ADAMTSL2: variants seen among roughly 807,000 people sequenced by gnomAD.
The protein encoded by ADAMTSL2 is ADAMTS-like protein 2.
ADAMTSL2 carries 55 observed loss-of-function variants against 117.0 expected under a neutral mutation model. The observed-to-expected ratio is 0.47, with a 90% CI of 0.38 to 0.59. The LOEUF (loss-of-function observed/expected upper bound fraction) is 0.59, where lower values mean the gene tolerates loss of function less well. ADAMTSL2 is among the 20% of genes least tolerant of loss of function. The pLI is 0.00. For synonymous variants in ADAMTSL2, 572 were observed against 566.4 expected, an observed-to-expected ratio of 1.01 and a Z score of -0.14; for missense variants, 1,182 against 1,354.5, an observed-to-expected ratio of 0.87 and a Z score of 2.00.
chr9:133,552,855 T>C (rs1404859824), intron 9 of ADAMTSL2, among the ~76,000 whole-genome samples: 1 of 152,200 alleles, frequency 6.6e-6, no homozygotes, highest in Non-Finnish European at 1.5e-5. Flanking sequence ...GCTCTATGCT[T>C]CTAAGTGCCA....
chr9:133,538,118 A>G (rs1378252657), intron 3 of ADAMTSL2, among the ~76,000 whole-genome samples: 1 of 152,216 alleles, frequency 6.6e-6, no homozygotes, highest in East Asian at 1.9e-4. Flanking sequence ...TGGTTGTTTC[A>G]ATTCTGTGTA....
intron 12 of ADAMTSL2, among the ~76,000 whole-genome samples, chr9:133,562,649 G>A (rs1453059201): frequency 2.1e-5 from 3 of 142,580 alleles, no homozygotes; most frequent in East Asian, 2.0e-4. Context: ...CGCCGTGGGC[G>A]GCGTGGCGGG....
chr9:133,551,303 C>A (rs531134621), intron 9 of ADAMTSL2, among the ~76,000 whole-genome samples: 108 of 149,794 alleles, frequency 7.2e-4, no homozygotes, highest in African/African-American at 2.3e-3. Context: ...AGGGCCCCCC[C>A]ACACACAGCC....
Position 133,561,292 on chromosome 9 carries a change from A to G in ADAMTSL2, c.1744A>G (p.Thr582Ala). 1 of 1,591,544 alleles carries G rather than the reference A, an allele frequency of 6.3e-7. No individual in the cohort carries two copies. The highest frequency in any genetic ancestry group is 2.3e-5 in the East Asian group (1 of 44,222). The change falls in exon 12 of 19, where the codon ACA becomes GCA. Residue 582 changes from threonine (T) to alanine (A), a missense_variant. Thr to Ala is a moderately conservative substitution (Grantham distance 58). Coordinates refer to ENST00000651351, the MANE Select transcript of ADAMTSL2 (RefSeq NM_014694.4). ...CGAGCCCTGCAGTGCCACCTGCACC[A>G]CAGGTACTGGTCACGGGTGCCAAGG... ...SHEPCSATCT[T>A]GVMSAYAMCV...
In ADAMTSL2 at chr9:133,558,188, A is replaced by G. The variant is rs1299115228; in HGVS notation, c.1649+2258A>G. ...TCGATCAACTAGGCTGTCAGCACTCAGAAAGGCCCTGACTGCTGAGATGCC... is the reference window on the plus strand; with the variant it reads ...TCGATCAACTAGGCTGTCAGCACTCGGAAAGGCCCTGACTGCTGAGATGCC... On this transcript the variant is annotated intron_variant, in intron 11 of 18. Coordinates refer to ENST00000651351, the MANE Select transcript of ADAMTSL2 (RefSeq NM_014694.4). The surrounding 1 kb of genome is among the most constrained non-coding windows in gnomAD (Gnocchi z 4.3). Among the ~76,000 whole-genome samples, 4 of 152,208 alleles carry G rather than the reference A, an allele frequency of 2.6e-5. No homozygotes were observed. Among genetic ancestry groups the G allele is most frequent in the African/African-American group, 9.6e-5 (4 of 41,456 alleles).
intron 4 of ADAMTSL2, 123 bp from the exon 5 acceptor site, chr9:133,539,648 C>T (rs369171019): frequency 1.3e-5 from 13 of 1,009,772 alleles, no homozygotes; most frequent in Middle Eastern, 2.4e-4. Flanking sequence ...GGCCGTGGCC[C>T]CCGCACGGCT....
intron 17 of ADAMTSL2, 50 bp downstream of exon 17, chr9:133,570,557 G>A: frequency 1.9e-6 from 3 of 1,559,440 alleles, no homozygotes; most frequent in South Asian, 2.3e-5. Context: ...AGACCTGAAT[G>A]TCGATCCCGC....
chr9:133,562,265 G>A (rs1830745782), intron 12 of ADAMTSL2, among the ~76,000 whole-genome samples: 2 of 152,334 alleles, frequency 1.3e-5, no homozygotes, highest in East Asian at 3.9e-4. Context: ...GGGCTGGGGC[G>A]GCCCTGCAGG....
Position 133,570,523 on chromosome 9 carries a change from G to T in ADAMTSL2, c.2592+16G>T. 1 of 1,606,462 alleles carries T rather than the reference G, an allele frequency of 6.2e-7. No individual in the cohort carries two copies. The highest frequency in any genetic ancestry group is 8.5e-7 in the Non-Finnish European group (1 of 1,177,182). ...CTGGTCAGAGGTGAGCTCCCAGCCG[G>T]CCCCTCTGAGGTTGCCTGAGGCCAG... On this transcript the variant is annotated intron_variant, in intron 17 of 18. Coordinates refer to ENST00000651351, the MANE Select transcript of ADAMTSL2 (RefSeq NM_014694.4).
At chr9:133,543,374 A>G (rs958290478) in intron 7 of ADAMTSL2, among the ~76,000 whole-genome samples, 3 of 152,236 alleles carry the variant, frequency 2.0e-5, no homozygotes, top group African/African-American at 7.2e-5. Flanking sequence ...AAAGAAGGGG[A>G]AAAATGTTTT....
intron 10 of ADAMTSL2, among the ~76,000 whole-genome samples, chr9:133,555,048 G>A (rs886815411): frequency 2.0e-5 from 3 of 151,976 alleles, no homozygotes; most frequent in Admixed American, 1.3e-4. Context: ...CGAGCACCTG[G>A]TCTCACCTCA....
intron 17 of ADAMTSL2, among the ~76,000 whole-genome samples, chr9:133,570,817 G>C (rs1301850791): frequency 6.6e-6 from 1 of 152,178 alleles, no homozygotes; most frequent in East Asian, 1.9e-4. Flanking sequence ...CCCATGTGCC[G>C]GACACCGCGG....
chr9:133,545,841 A>G (rs575437337), intron 8 of ADAMTSL2, among the ~76,000 whole-genome samples: 1 of 152,146 alleles, frequency 6.6e-6, no homozygotes, highest in Non-Finnish European at 1.5e-5. Flanking sequence ...ACCTGGAAAC[A>G]GGGCCGAGAC....
At chr9:133,562,097 A>G (rs1830742714) in intron 12 of ADAMTSL2, among the ~76,000 whole-genome samples, 1 of 152,194 alleles carries the variant, frequency 6.6e-6, no homozygotes, top group African/African-American at 2.4e-5. Flanking sequence ...AAAAGGTTTG[A>G]TGCTCCTGGT....
intron 18 of ADAMTSL2, 50 bp downstream of exon 18, chr9:133,574,037 G>C (rs1041135273): frequency 6.3e-7 from 1 of 1,576,936 alleles, no homozygotes; most frequent in African/African-American, 1.3e-5. Flanking sequence ...CAGGGGAGGC[G>C]AGGACAGAGT....
In ADAMTSL2 at chr9:133,534,791, G is replaced by C. The variant is rs974533213; in HGVS notation, c.-277G>C. 4.0e-6 allele frequency: 6 copies of C among 1,483,838 alleles called. No homozygotes were observed. The African/African-American group carries it at 7.2e-5, about 18-fold the overall frequency. 91.9% of individuals were successfully genotyped at this position (1,483,838 alleles called of 1,614,324 possible). ...GCGGCGCGGGGGAGGAGGGGAAGGG[G>C]AGAGGGAGGCCGGGCCGCAGCCTCT... On this transcript the variant is annotated 5_prime_UTR_variant, in exon 1 of 19. Coordinates refer to ENST00000651351, the MANE Select transcript of ADAMTSL2 (RefSeq NM_014694.4).
intron 9 of ADAMTSL2, among the ~76,000 whole-genome samples, chr9:133,547,545 A>G (rs1830380957): frequency 6.6e-6 from 1 of 152,176 alleles, no homozygotes; most frequent in South Asian, 2.1e-4. Context: ...GAAATCATTC[A>G]TTCCTCCATC....
Position 133,573,868 on chromosome 9 carries a change from TGA to T in ADAMTSL2, c.2620_2621del (p.Arg874AspfsTer29). ...TGCACCAAGACCTGCGGGGTGGGCG[TGA>T]GGATGCGAGACGTCAAGTGCTACCA... On this transcript the variant is annotated frameshift_variant, in exon 18 of 19. Transcript: ENST00000651351. LOFTEE classifies it high-confidence loss of function. 3 of 1,613,588 alleles carry T rather than the reference TGA, an allele frequency of 1.9e-6. No individual in the cohort carries two copies. Among genetic ancestry groups the T allele is most frequent in the Non-Finnish European group, 2.5e-6 (3 of 1,179,886 alleles).
chr9:133,567,093 G>A (rs1294675812), intron 13 of ADAMTSL2, 31 bp downstream of exon 13: 21 of 1,590,390 alleles, frequency 1.3e-5, no homozygotes, highest in Admixed American at 1.7e-5. Context: ...TGGGCAGGGG[G>A]TCGGCAGGGG....
Sources: gnomAD v4.1 joint callset for allele counts (sites outside exome capture counted in the v4.1 genomes callset) on GRCh38, gnomAD v4.1.1 for gene constraint, Gnocchi (gnomAD v3.1) non-coding constraint, MANE v1.5 for transcripts, NCBI Gene and HGNC (gene_info 2026-07-23, HGNC 2026-07-21) for gene names.